BICC1: variants seen among roughly 807,000 people sequenced by gnomAD.
BICC1 encodes the protein BicC family RNA binding protein 1, also known as protein bicaudal C homolog 1.
A neutral mutation model predicts 111.0 loss-of-function variants in BICC1; 43 were observed. The observed-to-expected ratio is 0.39, with a 90% CI of 0.30 to 0.50. The LOEUF is 0.50. Ranked by LOEUF, BICC1 falls within the 20% of genes least tolerant of loss-of-function variation. The pLI is 0.88. For missense variants in BICC1, 1,091 were observed against 1,203.2 expected, an observed-to-expected ratio of 0.91 and a Z score of 1.38; for synonymous variants, 467 against 434.4, an observed-to-expected ratio of 1.07 and a Z score of -0.93.
intron 1 of BICC1, among the ~76,000 whole-genome samples, chr10:58,523,667 C>G (rs1166105238): frequency 6.6e-6 from 1 of 152,156 alleles, no homozygotes; most frequent in Non-Finnish European, 1.5e-5. Context: ...CCTCTCTCAC[C>G]ACTCCTATTC....
intron 1 of BICC1, among the ~76,000 whole-genome samples, chr10:58,522,315 C>A (rs552415055): frequency 1.3e-5 from 2 of 152,080 alleles, no homozygotes; most frequent in East Asian, 3.9e-4. Flanking sequence ...GCAATACACT[C>A]CTTAGCAAAT....
At chr10:58,751,243 C>T (rs986734863) in intron 3 of BICC1, among the ~76,000 whole-genome samples, 3 of 152,104 alleles carry the variant, frequency 2.0e-5, no homozygotes, top group African/African-American at 4.8e-5. Flanking sequence ...TGTAACTTAA[C>T]TGAAACGTTC....
At chr10:58,741,393 A>C (rs1464824524) in intron 3 of BICC1, among the ~76,000 whole-genome samples, 1 of 152,232 alleles carries the variant, frequency 6.6e-6, no homozygotes, top group Non-Finnish European at 1.5e-5. Flanking sequence ...TTTCGGGGGA[A>C]GAAATATTAA....
intron 3 of BICC1, among the ~76,000 whole-genome samples, chr10:58,774,390 A>G (rs7920393): frequency 0.76 from 115,719 of 152,168 alleles, 44,867 homozygotes; most frequent in East Asian, 1. Context: ...TACTGGGGAA[A>G]ACAGGAAGTT....
intron 2 of BICC1, among the ~76,000 whole-genome samples, chr10:58,623,669 T>C (rs1845896932): frequency 6.6e-6 from 1 of 152,160 alleles, no homozygotes; most frequent in African/African-American, 2.4e-5. Flanking sequence ...TTCTAAGACA[T>C]ATCTGGATTG....
chr10:58,576,612 T>C (rs1335104773), intron 1 of BICC1, among the ~76,000 whole-genome samples: 1 of 152,196 alleles, frequency 6.6e-6, no homozygotes, highest in Admixed American at 6.5e-5. Flanking sequence ...TAGAGAATTA[T>C]TTGTTCTTCT....
intron 1 of BICC1, among the ~76,000 whole-genome samples, chr10:58,531,868 A>G (rs1273580656): frequency 6.6e-6 from 1 of 151,796 alleles, no homozygotes; most frequent in African/African-American, 2.4e-5. Context: ...GGTCATTTGA[A>G]ATTATTGAGT....
intron 3 of BICC1, among the ~76,000 whole-genome samples, chr10:58,769,734 T>G (rs2132717354): frequency 6.6e-6 from 1 of 152,130 alleles, no homozygotes; most frequent in East Asian, 1.9e-4. Context: ...TATCAATGGC[T>G]TTTTCTTTTG....
intron 3 of BICC1, among the ~76,000 whole-genome samples, chr10:58,702,630 C>T (rs889046757): frequency 6.6e-6 from 1 of 152,044 alleles, no homozygotes; most frequent in African/African-American, 2.4e-5. Context: ...CTGAGTGTTT[C>T]CCTTGCCTGG....
intron 1 of BICC1, among the ~76,000 whole-genome samples, chr10:58,566,207 TAC>T (rs1300640252): frequency 9.2e-5 from 14 of 151,672 alleles, no homozygotes; most frequent in African/African-American, 3.2e-4. Context: ...TATACACATG[TAC>T]ACACTTGCAT....
intron 3 of BICC1, among the ~76,000 whole-genome samples, chr10:58,746,206 T>C (rs533329952): frequency 1.3e-5 from 2 of 152,302 alleles, no homozygotes; most frequent in African/African-American, 4.8e-5. Context: ...TTTTTCCTAC[T>C]GAAACTTTAT....
At chr10:58,675,879 T>A (rs1428405019) in intron 2 of BICC1, among the ~76,000 whole-genome samples, 1 of 152,228 alleles carries the variant, frequency 6.6e-6, no homozygotes, top group Non-Finnish European at 1.5e-5. Flanking sequence ...GGTCTGCAGC[T>A]CCCAGAGAGA....
Position 58,712,491 on chromosome 10 carries a change from C to T in BICC1, c.307+10348C>T, listed in dbSNP as rs555643144. 3.9e-5 allele frequency among the ~76,000 whole-genome samples: 6 copies of T among 152,162 alleles called. No individual in the cohort carries two copies. In the East Asian group the frequency reaches 7.7e-4, roughly 20 times the overall value. ...AGTAGGTGAATGGATAAATGTGGTA[C>T]GTTGACACAATGAAATATTATTCAG... On this transcript the variant is annotated intron_variant, in intron 3 of 20. Transcript: ENST00000373886.
chr10:58,701,034 G>C (rs973788344), intron 2 of BICC1, among the ~76,000 whole-genome samples: 1 of 152,188 alleles, frequency 6.6e-6, no homozygotes. Context: ...CATGAAGTTT[G>C]ATGTATGTGA....
At chr10:58,556,913 G>A (rs1843464177) in intron 1 of BICC1, among the ~76,000 whole-genome samples, 1 of 151,928 alleles carries the variant, frequency 6.6e-6, no homozygotes, top group African/African-American at 2.4e-5. Context: ...TTCATATGAG[G>A]TGTGTGGTTA....
intron 3 of BICC1, among the ~76,000 whole-genome samples, chr10:58,747,757 A>C (rs762881767): frequency 1.1e-4 from 17 of 152,144 alleles, no homozygotes; most frequent in Non-Finnish European, 1.6e-4. Flanking sequence ...CTGTCAACTT[A>C]GTTTTTAAAT....
intron 1 of BICC1, among the ~76,000 whole-genome samples, chr10:58,525,723 T>A (rs1161865401): frequency 6.6e-6 from 1 of 151,288 alleles, no homozygotes; most frequent in Non-Finnish European, 1.5e-5. Context: ...AAAAATTTTT[T>A]AAAGCAATAC....
intron 1 of BICC1, among the ~76,000 whole-genome samples, chr10:58,529,059 A>G (rs757872271): frequency 3.3e-5 from 5 of 151,996 alleles, no homozygotes; most frequent in Non-Finnish European, 4.4e-5. Context: ...TCTGTGGGCT[A>G]GAGCTTAGCT....
rs748808142 is a variant in BICC1, at chr10:58,800,886, G to T, written c.1859-4G>T. ...TTTCACTTTTTTTTCCTTTTCCTCT[G>T]CAGGTTGTAATGATGCTTTTGTTGA... On this transcript the variant is annotated splice_polypyrimidine_tract_variant and splice_region_variant and intron_variant, in intron 13 of 20. Coordinates refer to ENST00000373886, the MANE Select transcript of BICC1 (RefSeq NM_001080512.3). 6.3e-7 allele frequency: 1 copy of T among 1,582,166 alleles called. No individual in the cohort carries two copies. Among genetic ancestry groups the T allele is most frequent in the South Asian group, 1.2e-5 (1 of 85,740 alleles).
Sources: allele counts gnomAD v4.1 joint callset (sites outside exome capture counted in the v4.1 genomes callset), GRCh38; gene constraint gnomAD v4.1.1; transcripts MANE v1.5; gene names NCBI Gene and HGNC (gene_info 2026-07-23, HGNC 2026-07-21).